GOLGA4: variants seen among roughly 807,000 people sequenced by gnomAD.
GOLGA4 encodes the protein golgin A4, also known as golgin subfamily A member 4.
Under a neutral mutation model 265.9 loss-of-function variants are expected in GOLGA4, and 169 were observed. The observed-to-expected ratio is 0.64, with a 90% CI of 0.56 to 0.72. GOLGA4 has a LOEUF of 0.72. GOLGA4 is among the 30% of genes least tolerant of loss of function. GOLGA4 has a pLI of 0.00. For synonymous variants in GOLGA4, 923 were observed against 855.8 expected, an observed-to-expected ratio of 1.08 and a Z score of -1.37; for missense variants, 2,482 against 2,483.4, an observed-to-expected ratio of 1.00 and a Z score of 0.01.
chr3:37,265,471 G>T (rs574538016), intron 2 of GOLGA4, among the ~76,000 whole-genome samples: 1 of 152,098 alleles, frequency 6.6e-6, no homozygotes, highest in African/African-American at 2.4e-5. Flanking sequence ...GCTATTTTTT[G>T]AATATGTAAA....
chr3:37,280,839 T>C (rs932181856), intron 2 of GOLGA4, among the ~76,000 whole-genome samples: 2 of 152,206 alleles, frequency 1.3e-5, no homozygotes, highest in African/African-American at 4.8e-5. Flanking sequence ...GTGATAAATT[T>C]GTGTGTATGA....
chr3:37,323,603 G>C lies in GOLGA4; in HGVS notation c.1717G>C (p.Glu573Gln), dbSNP rs1337591096. The C allele has an allele frequency of 6.4e-7, 1 of 1,561,174 alleles. No homozygotes were observed. Among genetic ancestry groups the C allele is most frequent in the African/African-American group, 1.4e-5 (1 of 72,166 alleles). The change falls in exon 14 of 24, where the codon GAA (glutamate) becomes CAA (glutamine). Residue 573 changes from glutamate to glutamine, a missense_variant. Physicochemically the swap from Glu to Gln is conservative, Grantham distance 29. This residue lies in a region of GOLGA4 where 1,536 missense variants were observed against 1,483.7 expected (regional missense o/e 1.04). Transcript: ENST00000361924. ...TAATTAACAGAGAATTCTTGAATTGGAAAGTTCTTTGGAAAAAAGCTTACA... is the reference window on the plus strand; with the variant it reads ...TAATTAACAGAGAATTCTTGAATTGCAAAGTTCTTTGGAAAAAAGCTTACA... ...ETYRTRILELESSLEKSLQEN... is the reference protein window; with the variant it reads ...ETYRTRILELQSSLEKSLQEN...
chr3:37,337,249 G>T (rs2097017214), intron 18 of GOLGA4, 86 bp downstream of exon 18: 2 of 735,484 alleles, frequency 2.7e-6, no homozygotes, highest in African/African-American at 1.8e-5. Flanking sequence ...GCCCAGGCTG[G>T]AGTGCAGTGA....
chr3:37,329,175 A>G (rs1211914857), intron 16 of GOLGA4, 82 bp downstream of exon 16: 22 of 1,244,514 alleles, frequency 1.8e-5, no homozygotes, highest in Non-Finnish European at 2.3e-5. Flanking sequence ...TTCCTTTTCA[A>G]ATGTGTTTTT....
Position 37,286,081 on chromosome 3 carries a change from C to A in GOLGA4, c.525+20C>A. 7.7e-7 allele frequency: 1 copy of A among 1,297,942 alleles called. No individual in the cohort carries two copies. The highest frequency in any genetic ancestry group is 1.1e-6 in the Non-Finnish European group (1 of 912,848). The allele number at this position is 1,297,942 out of a possible 1,614,324, so 80.4% of individuals were successfully genotyped here. A position where few individuals can be genotyped will look rare whatever the true frequency, so the allele number is the denominator to read the frequency against. On this transcript the variant is annotated intron_variant, in intron 4 of 23. Coordinates refer to ENST00000361924, the MANE Select transcript of GOLGA4 (RefSeq NM_002078.5). The stretch of plus-strand genomic sequence containing the variant: ...CTACAAGTAAGTGATTTGTCAACTG[C>A]ATTACTGAGTCATAATTTTTAAATC...
rs1578570779 is a variant in GOLGA4, at chr3:37,298,911, G to T, written c.893G>T (p.Cys298Phe). The change falls in exon 8 of 24, where the codon TGT becomes TTT. Residue 298 changes from cysteine (C) to phenylalanine (F), a missense_variant. Transcript: ENST00000361924. The part of the protein sequence containing the change: ...VKRQENLLKR[C>F]KETIQSHKEQ... ...CGTCAAGAGAACCTACTTAAGCGTT[G>T]TAAGGAAACAATTCAGTCACATAAG... 6.2e-7 allele frequency: 1 copy of T among 1,613,602 alleles called. No individual in the cohort carries two copies. The highest frequency in any genetic ancestry group is 8.5e-7 in the Non-Finnish European group (1 of 1,179,558).
intron 21 of GOLGA4, among the ~76,000 whole-genome samples, chr3:37,349,264 G>A (rs918831744): frequency 1.3e-5 from 2 of 152,140 alleles, no homozygotes; most frequent in African/African-American, 4.8e-5. Context: ...TGTGCAGTAA[G>A]GAAGGGAACT....
At chr3:37,249,956 CT>C (rs1379899577) in intron 1 of GOLGA4, 2 of 152,296 alleles carry the variant, frequency 1.3e-5, no homozygotes, top group South Asian at 4.1e-4. Flanking sequence ...AGATGATGAA[CT>C]TTATTTGTAT....
At chr3:37,311,052 T>C (rs2096921825) in intron 10 of GOLGA4, among the ~76,000 whole-genome samples, 1 of 152,160 alleles carries the variant, frequency 6.6e-6, no homozygotes, top group Non-Finnish European at 1.5e-5. Flanking sequence ...GAATTCACTT[T>C]TAGAATATTA....
At chr3:37,358,299 T>C (rs922343630) in intron 22 of GOLGA4, among the ~76,000 whole-genome samples, 1 of 152,230 alleles carries the variant, frequency 6.6e-6, no homozygotes, top group Non-Finnish European at 1.5e-5. Flanking sequence ...TTTCAATATA[T>C]CTTATCTTTA....
At chr3:37,266,984 A>C in intron 2 of GOLGA4, 1 of 922,944 alleles carries the variant, frequency 1.1e-6, no homozygotes, top group South Asian at 1.4e-5. Context: ...GTGGGGAAGC[A>C]AAGTAATTTG....
chr3:37,245,804 TCCGCCAGC>T (rs987989570), intron 1 of GOLGA4, among the ~76,000 whole-genome samples: 2 of 152,068 alleles, frequency 1.3e-5, no homozygotes, highest in Non-Finnish European at 2.9e-5. Flanking sequence ...CCTCTGGTGA[TCCGCCAGC>T]CCCGGCCTCC....
chr3:37,308,881 T>G (rs2096914840), intron 10 of GOLGA4, among the ~76,000 whole-genome samples: 1 of 152,054 alleles, frequency 6.6e-6, no homozygotes, highest in Non-Finnish European at 1.5e-5. Context: ...CCCAAAGGGC[T>G]GGGATTTCAG....
At chr3:37,289,471 A>G (rs1255516214) in intron 5 of GOLGA4, among the ~76,000 whole-genome samples, 180 bp downstream of exon 5, 1 of 152,218 alleles carries the variant, frequency 6.6e-6, no homozygotes, top group Non-Finnish European at 1.5e-5. Flanking sequence ...TTTCTAAGAT[A>G]CATTGTTGGA....
At position 37,315,412 on chromosome 3, in the gene GOLGA4, C is replaced by G; in HGVS notation, c.1235-8C>G. The stretch of plus-strand genomic sequence containing the variant: ...TGAGATACTTGTTTTCTGTTGTTTT[C>G]ATTATAGCTTTTGAGGAACTTGAAA... On this transcript the variant is annotated splice_polypyrimidine_tract_variant and splice_region_variant and intron_variant, in intron 10 of 23. Coordinates refer to ENST00000361924, the MANE Select transcript of GOLGA4 (RefSeq NM_002078.5). 1 of 1,606,146 alleles carries G rather than the reference C, an allele frequency of 6.2e-7. No individual in the cohort carries two copies. Among genetic ancestry groups the G allele is most frequent in the African/African-American group, 1.3e-5 (1 of 74,240 alleles).
chr3:37,272,239 T>TTGGA (rs2096800841), intron 2 of GOLGA4, among the ~76,000 whole-genome samples: 1 of 152,240 alleles, frequency 6.6e-6, no homozygotes, highest in East Asian at 1.9e-4. Context: ...GCCAAAAAGG[T>TTGGA]TGGAGACCAC....
rs757758479 is a variant in GOLGA4, at chr3:37,361,220, T to A, written c.6664-23T>A. The A allele has an allele frequency of 3.1e-6, 5 of 1,592,754 alleles. No homozygotes were observed. In the South Asian group the frequency reaches 5.5e-5, roughly 18 times the overall value. Reference sequence around the variant, plus strand: ...AAGTCTTAAAACTAACCCAATAAGCTTTTTTTCTTCCTGGCTTTGTAGTTT... The same window carrying A: ...AAGTCTTAAAACTAACCCAATAAGCATTTTTTCTTCCTGGCTTTGTAGTTT... On this transcript the variant is annotated intron_variant, in intron 22 of 23. Coordinates refer to ENST00000361924, the MANE Select transcript of GOLGA4 (RefSeq NM_002078.5).
At chr3:37,346,852 A>G (rs2097058196) in intron 20 of GOLGA4, among the ~76,000 whole-genome samples, 1 of 152,234 alleles carries the variant, frequency 6.6e-6, no homozygotes, top group Non-Finnish European at 1.5e-5. Flanking sequence ...CTCATCAGAC[A>G]TATGTAAATG....
chr3:37,347,151 T>C, intron 20 of GOLGA4, 42 bp from the exon 21 acceptor site: 1 of 1,154,934 alleles, frequency 8.7e-7, no homozygotes. Context: ...GTAGTTTACC[T>C]GGTTTTGTCT....
Sources: gnomAD v4.1 joint callset for allele counts (sites outside exome capture counted in the v4.1 genomes callset) on GRCh38, gnomAD v4.1.1 for gene constraint, gnomAD v4.1.1 regional missense constraint, MANE v1.5 for transcripts, NCBI Gene and HGNC (gene_info 2026-07-23, HGNC 2026-07-21) for gene names.